The following PHKB variants were observed in gnomAD, a reference collection of about 807,000 sequenced individuals.
The protein encoded by PHKB is phosphorylase b kinase regulatory subunit beta.
Under a neutral mutation model 152.1 loss-of-function variants are expected in PHKB, and 122 were observed. The observed-to-expected ratio is 0.80, with a 90% CI of 0.69 to 0.93. The LOEUF (loss-of-function observed/expected upper bound fraction) is 0.93. Among genes scored for constraint, PHKB ranks in the 40% least tolerant of loss-of-function variants. The pLI, the probability that PHKB is intolerant of heterozygous loss-of-function variation, is 0.00. For synonymous variants in PHKB, 436 were observed against 464.9 expected (o/e 0.94, Z 0.80); for missense variants, 1,304 against 1,328.4 (o/e 0.98, Z 0.29).
chr16:47,613,537 A>G (rs1369860382), intron 14 of PHKB, among the ~76,000 whole-genome samples: 1 of 152,208 alleles, frequency 6.6e-6, no homozygotes, highest in African/African-American at 2.4e-5. Context: ...AAACTGGTAC[A>G]CTGTGGCCCA....
At chr16:47,604,079 A>T (rs1027510586) in intron 13 of PHKB, among the ~76,000 whole-genome samples, 1 of 152,220 alleles carries the variant, frequency 6.6e-6, no homozygotes, top group Non-Finnish European at 1.5e-5. Flanking sequence ...ACCTAATAAG[A>T]TAATAAATTG....
intron 1 of PHKB, among the ~76,000 whole-genome samples, chr16:47,480,440 T>C (rs748516043): frequency 7.9e-5 from 12 of 152,176 alleles, no homozygotes; most frequent in Non-Finnish European, 1.8e-4. Context: ...TTAGAAGTTC[T>C]TTTTTTCCTA....
At chr16:47,650,521 T>A in intron 18 of PHKB, 23 bp from the exon 19 acceptor site, 1 of 1,396,370 alleles carries the variant, frequency 7.2e-7, no homozygotes. Flanking sequence ...TGCCATTACA[T>A]CCTACCTCAT....
At chr16:47,603,694 G>A (rs1227907737) in intron 13 of PHKB, among the ~76,000 whole-genome samples, 3 of 151,796 alleles carry the variant, frequency 2.0e-5, no homozygotes, top group Admixed American at 6.6e-5. Context: ...TATTGGAGGC[G>A]GGGTTTCACC....
chr16:47,580,641 CT>C (rs962331692), intron 8 of PHKB, among the ~76,000 whole-genome samples: 1 of 148,062 alleles, frequency 6.8e-6, no homozygotes, highest in Non-Finnish European at 1.5e-5. Flanking sequence ...AAATCTATTA[CT>C]CATTTTGTAG....
intron 14 of PHKB, among the ~76,000 whole-genome samples, chr16:47,639,735 G>C (rs549791985): frequency 6.6e-6 from 1 of 152,046 alleles, no homozygotes; most frequent in Non-Finnish European, 1.5e-5. Context: ...TCTGTATTCT[G>C]TATGTTTTCA....
intron 1 of PHKB, among the ~76,000 whole-genome samples, chr16:47,486,037 C>A (rs1305546295): frequency 6.6e-6 from 1 of 151,632 alleles, no homozygotes; most frequent in African/African-American, 2.4e-5. Flanking sequence ...CTTTTTCTTC[C>A]TTCCTACTAA....
intron 10 of PHKB, 92 bp downstream of exon 10, chr16:47,589,194 C>G: frequency 2.2e-6 from 2 of 899,602 alleles, no homozygotes; most frequent in Non-Finnish European, 1.7e-6. Flanking sequence ...TCTGGCTCTG[C>G]TACTTACTAG....
chr16:47,483,034 CT>C (rs35429055), intron 1 of PHKB, among the ~76,000 whole-genome samples: 598 of 91,838 alleles, frequency 6.5e-3, no homozygotes, highest in African/African-American at 0.021. Flanking sequence ...TAAATAATTT[CT>C]TTTTTTTTTT....
At chr16:47,516,318 G>T (rs572205625) in intron 6 of PHKB, among the ~76,000 whole-genome samples, 2 of 152,210 alleles carry the variant, frequency 1.3e-5, no homozygotes, top group Admixed American at 1.3e-4. Context: ...TTATTTGTAG[G>T]ATCTCAGTAG....
intron 5 of PHKB, among the ~76,000 whole-genome samples, chr16:47,512,059 G>A (rs1183426828): frequency 3.3e-5 from 5 of 152,170 alleles, no homozygotes; most frequent in Non-Finnish European, 5.9e-5. Flanking sequence ...GAGCTCAGGC[G>A]GTAATGCTTG....
intron 6 of PHKB, among the ~76,000 whole-genome samples, chr16:47,543,021 G>A (rs188762328): frequency 1.4e-3 from 209 of 152,214 alleles, no homozygotes; most frequent in Non-Finnish European, 2.6e-3. Flanking sequence ...GCCCTGGCCC[G>A]AACTTCCAAC....
Position 47,587,674 on chromosome 16 carries a change from T to G in PHKB, c.781T>G (p.Ser261Ala), listed in dbSNP as rs137946010. The G allele has an allele frequency of 5.3e-4, 853 of 1,612,192 alleles. No homozygotes were observed. Among genetic ancestry groups the G allele is most frequent in the Non-Finnish European group, 7.0e-4 (826 of 1,178,314 alleles). The change falls in exon 9 of 31, where the codon TCG becomes GCG. Residue 261 changes from serine (S) to alanine (A), a missense_variant. Physicochemically the swap from Ser to Ala is moderately conservative, Grantham distance 99. Transcript: ENST00000323584. ...TTTCTTTTTCTCTGTCCAGGGCTGT[T>G]CGTGGTCAGTTATATTTGTGGATCT... ...GFNLFGNQGC[S>A]WSVIFVDLDA...
chr16:47,576,357 A>G (rs756224802), intron 7 of PHKB, among the ~76,000 whole-genome samples: 5 of 152,180 alleles, frequency 3.3e-5, no homozygotes, highest in Non-Finnish European at 5.9e-5. Flanking sequence ...AATTATATTA[A>G]TTGGGTTTTT....
In PHKB at chr16:47,594,206, C is replaced by A. The variant is rs778554476; in HGVS notation, c.1196C>A (p.Thr399Asn). 2.6e-6 allele frequency: 4 copies of A among 1,527,374 alleles called. No homozygotes were observed. The highest frequency in any genetic ancestry group is 3.6e-6 in the Non-Finnish European group (4 of 1,101,514). 94.6% of individuals were successfully genotyped at this position (1,527,374 alleles called of 1,614,324 possible). ...QDLLTPVLHH[T>N]TEGYPVVPKY... Reference sequence around the variant, plus strand: ...CTTTTGACTCCAGTACTTCATCATACCACAGAAGGTATAGTTGTTTTTTTA... The same window carrying A: ...CTTTTGACTCCAGTACTTCATCATAACACAGAAGGTATAGTTGTTTTTTTA... The change falls in exon 12 of 31, where the codon ACC becomes AAC. Residue 399 changes from threonine (T) to asparagine (N), a missense_variant. Transcript: ENST00000323584.
chr16:47,627,155 C>T (rs1017063119), intron 14 of PHKB, among the ~76,000 whole-genome samples: 5 of 152,184 alleles, frequency 3.3e-5, no homozygotes, highest in African/African-American at 1.2e-4. Flanking sequence ...CTGCCTCTTC[C>T]TGCTCTGTTT....
At chr16:47,663,551 A>G (rs906043244) in intron 23 of PHKB, 126 bp from the exon 24 acceptor site, 29 of 747,216 alleles carry the variant, frequency 3.9e-5, no homozygotes, top group Non-Finnish European at 6.5e-5. Flanking sequence ...GTTAGTTCAG[A>G]ACATTAATGG....
rs2151644461 is a variant in PHKB at position 47,503,097 on chromosome 16, CATT to C, written c.405+8_405+10del. On this transcript the variant is annotated splice_region_variant and intron_variant, in intron 4 of 30. Coordinates refer to ENST00000323584, the MANE Select transcript of PHKB (RefSeq NM_000293.3). The stretch of plus-strand genomic sequence containing the variant: ...TATGCGTCAGGCCGATAAGGTAAAA[CATT>C]GTGGTGTGGACGGGAATTCTCCCAT... 1 of 1,540,508 alleles carries C rather than the reference CATT, an allele frequency of 6.5e-7. No individual in the cohort carries two copies. Among genetic ancestry groups the C allele is most frequent in the East Asian group, 2.2e-5 (1 of 44,478 alleles).
At chr16:47,470,304 C>T (rs553007529) in intron 1 of PHKB, among the ~76,000 whole-genome samples, 18 of 152,196 alleles carry the variant, frequency 1.2e-4, no homozygotes, top group South Asian at 8.3e-4. Flanking sequence ...AGGGATGGGC[C>T]GAATTAAAGG....
Sources: allele counts gnomAD v4.1 joint callset (sites outside exome capture counted in the v4.1 genomes callset), GRCh38; gene constraint gnomAD v4.1.1; transcripts MANE v1.5; gene names NCBI Gene and HGNC (gene_info 2026-07-23, HGNC 2026-07-21).